The following CLSTN2 variants were observed in gnomAD, a reference collection of about 807,000 sequenced individuals.
CLSTN2 encodes the protein calsyntenin-2.
A neutral mutation model predicts 101.2 loss-of-function variants in CLSTN2; 48 were observed. The observed-to-expected ratio is 0.47, with a 90% CI of 0.38 to 0.60. The LOEUF is 0.60. Ranked by LOEUF, CLSTN2 falls within the 20% of genes least tolerant of loss-of-function variation. The pLI is 0.00. For synonymous variants in CLSTN2, 481 were observed against 463.6 expected (o/e 1.04, Z -0.48); for missense variants, 1,160 against 1,238.2 (o/e 0.94, Z 0.95).
At chr3:140,244,164 C>A (rs559671886) in intron 2 of CLSTN2, among the ~76,000 whole-genome samples, 1 of 152,320 alleles carries the variant, frequency 6.6e-6, no homozygotes, top group South Asian at 2.1e-4. Context: ...TATGTAGCAA[C>A]ATGCCAGAGG....
chr3:140,211,684 C>A (rs1559807676), intron 2 of CLSTN2, among the ~76,000 whole-genome samples: 1 of 151,764 alleles, frequency 6.6e-6, no homozygotes, highest in African/African-American at 2.4e-5. Flanking sequence ...TAATAATACA[C>A]ATTTAACTTA....
chr3:140,554,943 ATATATT>A (rs1189077308), intron 10 of CLSTN2, among the ~76,000 whole-genome samples: 9 of 152,260 alleles, frequency 5.9e-5, no homozygotes, highest in Non-Finnish European at 4.4e-5. Context: ...TTCACTGATT[ATATATT>A]TATAAGAATA....
At chr3:140,126,054 C>T (rs913264787) in intron 1 of CLSTN2, among the ~76,000 whole-genome samples, 1 of 151,974 alleles carries the variant, frequency 6.6e-6, no homozygotes, top group Non-Finnish European at 1.5e-5. Context: ...TGGATGATTG[C>T]AAGAGAAATG....
chr3:140,443,077 G>T (rs1214205670), intron 5 of CLSTN2, among the ~76,000 whole-genome samples: 1 of 152,140 alleles, frequency 6.6e-6, no homozygotes, highest in Non-Finnish European at 1.5e-5. Context: ...CCTGTTCTGG[G>T]GTACCCCATT....
chr3:140,277,068 A>C (rs1475444455), intron 2 of CLSTN2, among the ~76,000 whole-genome samples: 6 of 152,130 alleles, frequency 3.9e-5, no homozygotes, highest in Non-Finnish European at 8.8e-5. Context: ...CCTCCATGTA[A>C]TTTGTATTCA....
At chr3:140,477,631 T>C (rs1221508673) in intron 8 of CLSTN2, among the ~76,000 whole-genome samples, 1 of 152,218 alleles carries the variant, frequency 6.6e-6, no homozygotes, top group East Asian at 1.9e-4. Context: ...ATTGAGGCTC[T>C]GAAAAATTAA....
intron 1 of CLSTN2, among the ~76,000 whole-genome samples, chr3:140,172,841 T>G (rs900624905): frequency 1.1e-4 from 16 of 152,158 alleles, no homozygotes; most frequent in Admixed American, 2.6e-4. Context: ...AAGAATAGTA[T>G]GGGAGAAACT....
At chr3:139,989,804 G>A (rs944606990) in intron 1 of CLSTN2, among the ~76,000 whole-genome samples, 6 of 151,994 alleles carry the variant, frequency 3.9e-5, no homozygotes, top group African/African-American at 1.5e-4. Context: ...CCAGTCCATG[G>A]CACTTCCTAG....
At chr3:140,374,929 A>T (rs1485278014) in intron 2 of CLSTN2, among the ~76,000 whole-genome samples, 2 of 152,236 alleles carry the variant, frequency 1.3e-5, no homozygotes, top group African/African-American at 4.8e-5. Context: ...CCCTCTGACT[A>T]CACCAGCCCA....
intron 2 of CLSTN2, among the ~76,000 whole-genome samples, chr3:140,286,758 C>A (rs1314712330): frequency 1.3e-5 from 2 of 152,130 alleles, no homozygotes; most frequent in African/African-American, 4.8e-5. Flanking sequence ...TGTTGTGAGA[C>A]AAATATTCTG....
chr3:140,041,542 C>G (rs777839679), intron 1 of CLSTN2, among the ~76,000 whole-genome samples: 3 of 152,130 alleles, frequency 2.0e-5, no homozygotes, highest in Non-Finnish European at 2.9e-5. Context: ...AGAGCTGGGC[C>G]TCTCCATGCC....
intron 10 of CLSTN2, among the ~76,000 whole-genome samples, chr3:140,551,355 T>C (rs1013547422): frequency 4.6e-5 from 7 of 152,114 alleles, no homozygotes; most frequent in African/African-American, 1.7e-4. Context: ...ATCATGCATA[T>C]TTATGAATAT....
intron 1 of CLSTN2, among the ~76,000 whole-genome samples, chr3:140,124,282 C>G (rs1229126431): frequency 1.3e-5 from 2 of 152,046 alleles, no homozygotes; most frequent in Non-Finnish European, 2.9e-5. Flanking sequence ...GGGCCCAGAT[C>G]AAAGAAATCC....
intron 1 of CLSTN2, among the ~76,000 whole-genome samples, chr3:140,158,550 A>T (rs2009993441): frequency 6.6e-6 from 1 of 152,234 alleles, no homozygotes; most frequent in African/African-American, 2.4e-5. Context: ...ATCATAGATG[A>T]CACAAATGCA....
chr3:140,183,786 A>G (rs58430319), intron 2 of CLSTN2, among the ~76,000 whole-genome samples: 5,694 of 152,292 alleles, frequency 0.037, 335 homozygotes, highest in African/African-American at 0.13. Context: ...TTTTGCACAC[A>G]CTATATCATA....
At chr3:140,452,740 T>C (rs1001339266) in intron 6 of CLSTN2, 1 of 152,180 alleles carries the variant, frequency 6.6e-6, no homozygotes, top group Admixed American at 6.5e-5. Context: ...TATTGCTTCA[T>C]GGGTTTATGC....
At chr3:140,238,139 T>C (rs1012631738) in intron 2 of CLSTN2, among the ~76,000 whole-genome samples, 5 of 152,210 alleles carry the variant, frequency 3.3e-5, no homozygotes, top group Admixed American at 3.3e-4. Flanking sequence ...ATGCTATATT[T>C]GCATCCTATC....
chr3:140,489,176 GGTGGTTGGGAGGAGAATC>G (rs1033489771), intron 8 of CLSTN2, among the ~76,000 whole-genome samples: 5 of 152,136 alleles, frequency 3.3e-5, no homozygotes, highest in African/African-American at 1.2e-4. Context: ...AGAGGAGAGT[GGTGGTTGGGAGGAGAATC>G]GTGGTTGACA....
intron 2 of CLSTN2, among the ~76,000 whole-genome samples, chr3:140,230,658 G>T (rs1285079022): frequency 6.6e-6 from 1 of 152,160 alleles, no homozygotes; most frequent in East Asian, 1.9e-4. Context: ...CACAAAATCT[G>T]CCGGTGCTTT....
Sources: gnomAD v4.1 joint callset for allele counts (sites outside exome capture counted in the v4.1 genomes callset) on GRCh38, gnomAD v4.1.1 for gene constraint, MANE v1.5 for transcripts, NCBI Gene and HGNC (gene_info 2026-07-23, HGNC 2026-07-21) for gene names.